The following DGKB variants were observed in gnomAD, a reference collection of about 807,000 sequenced individuals.
DGKB encodes 90 kDa diacylglycerol kinase.
DGKB carries 67 observed loss-of-function variants against 114.3 expected under a neutral mutation model. The observed-to-expected ratio is 0.59, with a 90% CI of 0.48 to 0.72. DGKB has a LOEUF of 0.72. Among genes scored for constraint, DGKB ranks in the 30% least tolerant of loss-of-function variants. DGKB has a pLI of 0.00. For missense variants in DGKB, 907 were observed against 975.2 expected, an observed-to-expected ratio of 0.93 and a Z score of 0.93; for synonymous variants, 398 against 323.1, an observed-to-expected ratio of 1.23 and a Z score of -2.49.
intron 20 of DGKB, among the ~76,000 whole-genome samples, chr7:14,518,334 A>G (rs1268998765): frequency 6.6e-6 from 1 of 152,050 alleles, no homozygotes; most frequent in Non-Finnish European, 1.5e-5. Context: ...AGAGGAGGGT[A>G]AGGATCGCAA....
At chr7:14,698,051 G>T in intron 8 of DGKB, 44 bp downstream of exon 8, 1 of 976,464 alleles carries the variant, frequency 1.0e-6, no homozygotes, top group Non-Finnish European at 1.6e-6. Context: ...AAAGAAAGAG[G>T]CCTTCCAGAA....
intron 21 of DGKB, among the ~76,000 whole-genome samples, chr7:14,374,422 C>T (rs143219425): frequency 3.3e-5 from 5 of 152,266 alleles, no homozygotes; most frequent in South Asian, 2.1e-4. Context: ...ACTGGTTCTG[C>T]ATTAGCATCT....
At chr7:14,757,812 T>G in intron 2 of DGKB, 81 bp from the exon 3 acceptor site, 1 of 667,574 alleles carries the variant, frequency 1.5e-6, no homozygotes, top group Non-Finnish European at 2.6e-6. Flanking sequence ...AGAGACCACT[T>G]AAAATGTAAA....
chr7:14,552,252 A>G (rs1795206071), intron 20 of DGKB, among the ~76,000 whole-genome samples: 1 of 152,148 alleles, frequency 6.6e-6, no homozygotes, highest in Non-Finnish European at 1.5e-5. Flanking sequence ...TATCCACTAT[A>G]ATGTCTATGT....
At chr7:14,937,125 A>G (rs946430406) in intron 1 of DGKB, among the ~76,000 whole-genome samples, 6 of 151,446 alleles carry the variant, frequency 4.0e-5, no homozygotes, top group African/African-American at 1.5e-4. Context: ...TTTATTGTCC[A>G]TGTAATACAT....
chr7:14,925,654 G>T (rs918793930), intron 1 of DGKB, among the ~76,000 whole-genome samples: 3 of 152,066 alleles, frequency 2.0e-5, no homozygotes, highest in Non-Finnish European at 4.4e-5. Flanking sequence ...CTTCTTTAGA[G>T]CAATTGTAAA....
intron 20 of DGKB, among the ~76,000 whole-genome samples, chr7:14,550,247 T>C (rs1291854940): frequency 6.6e-6 from 1 of 152,108 alleles, no homozygotes; most frequent in African/African-American, 2.4e-5. Flanking sequence ...AGGTTAATTT[T>C]TTTCTAAAAT....
Position 14,183,277 on chromosome 7 carries a change from TCTACTTCTAA to T in DGKB, c.2123-5136_2123-5127del, listed in dbSNP as rs981979548. ...CAATGATTCGTCTTCAAAATGTCCATCTACTTCTAATTGATTCTTAATTTAGATATACTTC... is the reference window on the plus strand; with the variant it reads ...CAATGATTCGTCTTCAAAATGTCCATTTGATTCTTAATTTAGATATACTTC... On this transcript the variant is annotated intron_variant, in intron 23 of 25. Transcript: ENST00000402815. 2.0e-5 allele frequency among the ~76,000 whole-genome samples: 3 copies of T among 152,236 alleles called. No individual in the cohort carries two copies. The East Asian group carries it at 5.8e-4, about 29-fold the overall frequency.
chr7:14,368,611 G>A (rs1319593), intron 21 of DGKB, among the ~76,000 whole-genome samples: 87,046 of 151,168 alleles, frequency 0.58, 25,448 homozygotes, highest in East Asian at 0.65. Context: ...GAAAAAGGTA[G>A]TGTATGTAAA....
chr7:14,463,278 A>G (rs1036420649), intron 21 of DGKB, among the ~76,000 whole-genome samples: 1 of 152,106 alleles, frequency 6.6e-6, no homozygotes, highest in Non-Finnish European at 1.5e-5. Context: ...AGCACTGGGC[A>G]TAATACCTAA....
At chr7:14,638,765 G>A (rs1449410418) in intron 13 of DGKB, among the ~76,000 whole-genome samples, 1 of 152,162 alleles carries the variant, frequency 6.6e-6, no homozygotes, top group Non-Finnish European at 1.5e-5. Context: ...GTGAGGGCCG[G>A]GTGCAGTGGC....
chr7:14,943,256 T>A, intron 1 of DGKB, among the ~76,000 whole-genome samples: 1 of 151,982 alleles, frequency 6.6e-6, no homozygotes, highest in East Asian at 1.9e-4. Context: ...GTCCCAGTTT[T>A]ATAATGAAAA....
intron 1 of DGKB, among the ~76,000 whole-genome samples, chr7:14,912,413 T>C (rs1055767124): frequency 1.3e-5 from 2 of 152,080 alleles, no homozygotes; most frequent in African/African-American, 2.4e-5. Context: ...CAAGCAACAA[T>C]GAAACATTTA....
At chr7:14,738,283 T>C (rs1525094) in intron 4 of DGKB, among the ~76,000 whole-genome samples, 1 of 152,108 alleles carries the variant, frequency 6.6e-6, no homozygotes, top group Non-Finnish European at 1.5e-5. Context: ...GATGAAAATA[T>C]TCACAAGCAT....
At chr7:14,366,629 G>A (rs150694040) in intron 21 of DGKB, among the ~76,000 whole-genome samples, 19 of 152,062 alleles carry the variant, frequency 1.2e-4, no homozygotes, top group East Asian at 3.9e-4. Flanking sequence ...TCTTTGTTTC[G>A]TAATGCAAAT....
chr7:14,234,139 G>A (rs1387840437), intron 23 of DGKB, among the ~76,000 whole-genome samples: 2 of 152,000 alleles, frequency 1.3e-5, no homozygotes, highest in Non-Finnish European at 2.9e-5. Context: ...TGGAGAAAAA[G>A]TAAGGAACCT....
At position 14,147,554 on chromosome 7, in the gene DGKB, A is replaced by G. The variant is rs1234535250; in HGVS notation, c.*1577T>C. Reference sequence around the variant, plus strand: ...ATCCATGCACAGGATTGTGTTCAACAGAATCACTAAATGCTATTTGTTATT... The same window carrying G: ...ATCCATGCACAGGATTGTGTTCAACGGAATCACTAAATGCTATTTGTTATT... On this transcript the variant is annotated 3_prime_UTR_variant, in exon 26 of 26. Coordinates refer to ENST00000402815, the MANE Select transcript of DGKB (RefSeq NM_001350709.2). The G allele has an allele frequency of 6.6e-6, 1 of 152,204 alleles. No homozygotes were observed. Among genetic ancestry groups the G allele is most frequent in the African/African-American group, 2.4e-5 (1 of 41,470 alleles). 9.4% of individuals were successfully genotyped at this position (152,204 alleles called of 1,614,324 possible).
chr7:14,932,994 C>T (rs1401634127), intron 1 of DGKB, among the ~76,000 whole-genome samples: 1 of 152,146 alleles, frequency 6.6e-6, no homozygotes, highest in Non-Finnish European at 1.5e-5. Context: ...AACCTGGGGG[C>T]AAGAATAGTT....
intron 20 of DGKB, among the ~76,000 whole-genome samples, chr7:14,543,033 T>G (rs561152044): frequency 6.6e-6 from 1 of 152,192 alleles, no homozygotes; most frequent in Non-Finnish European, 1.5e-5. Context: ...TTGTAACATA[T>G]TACTTGTCCA....
Sources: gnomAD v4.1 joint callset for allele counts (sites outside exome capture counted in the v4.1 genomes callset) on GRCh38, gnomAD v4.1.1 for gene constraint, MANE v1.5 for transcripts, NCBI Gene and HGNC (gene_info 2026-07-23, HGNC 2026-07-21) for gene names.